CPSF1: variants seen among roughly 807,000 people sequenced by gnomAD.
CPSF1 encodes the protein cleavage and polyadenylation specific factor 1.
Under a neutral mutation model 175.8 loss-of-function variants are expected in CPSF1, and 106 were observed. That is an observed-to-expected ratio of 0.60 (90% confidence interval 0.52 to 0.71). The LOEUF (loss-of-function observed/expected upper bound fraction) is 0.71, where lower values mean the gene tolerates loss of function less well. CPSF1 is among the 30% of genes least tolerant of loss of function. The probability of loss-of-function intolerance (pLI) is 0.00; values close to 1 mark genes in which losing one functional copy is unlikely to be tolerated. For synonymous variants in CPSF1, 1,024 were observed against 858.3 expected (o/e 1.19, Z -3.37); for missense variants, 1,734 against 2,022.9 (o/e 0.86, Z 2.74).
At position 144,408,976 on chromosome 8, in the gene CPSF1, G is replaced by A. The variant is rs1388411333; in HGVS notation, c.144+39C>T. On this transcript the variant is annotated intron_variant, in intron 2 of 37. Transcript: ENST00000616140. ...AACCGGGGGCGGTGAGAGCACCCACGTCGCGGACAGCCGGGAGGGCTCCCA... is the reference window on the plus strand; with the variant it reads ...AACCGGGGGCGGTGAGAGCACCCACATCGCGGACAGCCGGGAGGGCTCCCA... 3 of 1,603,606 alleles carry A rather than the reference G, an allele frequency of 1.9e-6. No homozygotes were observed. The African/African-American group carries it at 4.0e-5, about 21-fold the overall frequency.
At position 144,409,019 on chromosome 8, in the gene CPSF1, G is replaced by GCGT. The variant is rs2116912743; in HGVS notation, c.137_139dup (p.Asp46dup). On this transcript the variant is annotated inframe_insertion, in exon 2 of 38. Transcript: ENST00000616140. ...GGCTCCCAGGGCCCGACCTACCTCG[G>GCGT]CGTCGCGGTTGAGGCGGTACACGTA... 2 of 1,612,952 alleles carry GCGT rather than the reference G, an allele frequency of 1.2e-6. No homozygotes were observed. The highest frequency in any genetic ancestry group is 2.2e-5 in the South Asian group (2 of 91,032).
At chr8:144,404,278 G>T (rs544822319) in intron 2 of CPSF1, among the ~76,000 whole-genome samples, 1 of 152,054 alleles carries the variant, frequency 6.6e-6, no homozygotes. Context: ...AGCCAAGGAC[G>T]CCTGATCCAC....
In CPSF1 at chr8:144,399,054, G is replaced by T; in HGVS notation, c.1468-16C>A. On this transcript the variant is annotated splice_polypyrimidine_tract_variant and intron_variant, in intron 15 of 37. Transcript: ENST00000616140. This position sits in a 1 kb window ranked among gnomAD's most constrained non-coding sequence, Gnocchi z 6.4. Reference sequence around the variant, plus strand: ...TGTTCTGAAACTGCACAGGACTCGGGGGTGAGGACTATGCCCCCCACCCCC... The same window carrying T: ...TGTTCTGAAACTGCACAGGACTCGGTGGTGAGGACTATGCCCCCCACCCCC... The T allele has an allele frequency of 6.4e-7, 1 of 1,569,526 alleles. No individual in the cohort carries two copies. The highest frequency in any genetic ancestry group is 8.6e-7 in the Non-Finnish European group (1 of 1,157,802).
rs2116868261 is a variant in CPSF1 at position 144,399,947 on chromosome 8, T to TG, written c.1031+44dup. ...GGGCCAGGGGACCCTACAGGACTTGTGGGGGGCGGTGTGGGCAGAGTTCAT... is the reference window on the plus strand; with the variant it reads ...GGGCCAGGGGACCCTACAGGACTTGTGGGGGGGCGGTGTGGGCAGAGTTCAT... On this transcript the variant is annotated intron_variant, in intron 10 of 37. Transcript: ENST00000616140. This position sits in a 1 kb window ranked among gnomAD's most constrained non-coding sequence, Gnocchi z 6.4. The TG allele has an allele frequency of 7.5e-5, 90 of 1,197,768 alleles. No homozygotes were observed. The African/African-American group carries it at 2.1e-3, about 28-fold the overall frequency. 74.2% of individuals were successfully genotyped at this position (1,197,768 alleles called of 1,614,324 possible).
chr8:144,396,078 G>A, intron 26 of CPSF1: 1 of 530,446 alleles, frequency 1.9e-6, no homozygotes, highest in East Asian at 3.2e-5. Flanking sequence ...GAAGTGTGGA[G>A]GCCAGGCCCT....
chr8:144,398,419 T>C lies in CPSF1; in HGVS notation c.1777A>G (p.Met593Val), dbSNP rs2116849642. Residue 593 changes from methionine (M) to valine (V), a missense_variant, in exon 19 of 38, where the codon ATG (methionine) becomes GTG (valine). Met to Val is a conservative substitution (Grantham distance 21). Around this residue, in one of 10 missense-constraint regions of CPSF1, gnomAD observed 280 missense variants for 349.2 expected, o/e 0.80. Transcript: ENST00000616140. ...GCGAAGCCACTGGTGTCCAGCTCCA[T>C]GATCTCCTGCCCCGTCTGCAGGATC... ...TMILQTGQEI[M>V]ELDTSGFATQ... 2 of 1,613,846 alleles carry C rather than the reference T, an allele frequency of 1.2e-6. No individual in the cohort carries two copies. Among genetic ancestry groups the C allele is most frequent in the Non-Finnish European group, 8.5e-7 (1 of 1,179,986 alleles).
At position 144,398,548 on chromosome 8, in the gene CPSF1, G is replaced by A. The variant is rs1367456778; in HGVS notation, c.1729C>T (p.Leu577=). Residue 577 remains leucine, a synonymous_variant, in exon 18 of 38, where the codon CTG becomes TTG. Coordinates refer to ENST00000616140, the MANE Select transcript of CPSF1 (RefSeq NM_013291.3). ...ACCATGGTGGAGTCTTCCCGGCTCA[G>A]AATCAGGAATCCGTGTCTGCGGCCG... is the stretch of plus-strand genomic sequence containing the variant. ...DDGRRHGFLI[L]SREDSTMILQ... 5.6e-6 allele frequency: 9 copies of A among 1,613,866 alleles called. No homozygotes were observed. In the Admixed American group the frequency reaches 1.5e-4, roughly 27 times the overall value.
In CPSF1 at chr8:144,399,422, G is replaced by T. The variant is rs2116862458; in HGVS notation, c.1294+30C>A. 1 of 1,612,704 alleles carries T rather than the reference G, an allele frequency of 6.2e-7. No individual in the cohort carries two copies. Among genetic ancestry groups the T allele is most frequent in the East Asian group, 2.2e-5 (1 of 44,882 alleles). The stretch of plus-strand genomic sequence containing the variant: ...GCGCAGCCCTGGGTCACCTGGCCCC[G>T]CTCCTGACCAGCCCTGGACCGGCCC... On this transcript the variant is annotated intron_variant, in intron 13 of 37. Coordinates refer to ENST00000616140, the MANE Select transcript of CPSF1 (RefSeq NM_013291.3). The surrounding 1 kb of genome is among the most constrained non-coding windows in gnomAD (Gnocchi z 6.4).
chr8:144,397,726 C>T lies in CPSF1; in HGVS notation c.2210+17G>A. Reference sequence around the variant, plus strand: ...CAGGGACCCAAGCCCCTACCTGCGCCCCCAGCCCCCACGCACCTAGTCTCT... The same window carrying T: ...CAGGGACCCAAGCCCCTACCTGCGCTCCCAGCCCCCACGCACCTAGTCTCT... On this transcript the variant is annotated intron_variant, in intron 21 of 37. Transcript: ENST00000616140. The T allele has an allele frequency of 1.3e-6, 2 of 1,588,106 alleles. No individual in the cohort carries two copies. The highest frequency in any genetic ancestry group is 1.7e-6 in the Non-Finnish European group (2 of 1,161,326).
intron 2 of CPSF1, among the ~76,000 whole-genome samples, chr8:144,404,529 T>A (rs2116898727): frequency 1.4e-5 from 2 of 140,736 alleles, no homozygotes; most frequent in South Asian, 2.3e-4. Context: ...CCACGCCTAA[T>A]TTTTTTTTTT....
rs2116849991 is a variant in CPSF1, at chr8:144,398,454, C to T, written c.1753-11G>A. ...CCCCGTCTGCAGGATCTGCGGGCGACAGCTGTGAGGGAGGCGCCCCCCGCA... is the reference window on the plus strand; with the variant it reads ...CCCCGTCTGCAGGATCTGCGGGCGATAGCTGTGAGGGAGGCGCCCCCCGCA... On this transcript the variant is annotated splice_polypyrimidine_tract_variant and intron_variant, in intron 18 of 37. Transcript: ENST00000616140. The T allele has an allele frequency of 6.2e-7, 1 of 1,613,660 alleles. No homozygotes were observed. Among genetic ancestry groups the T allele is most frequent in the South Asian group, 1.1e-5 (1 of 91,080 alleles).
Position 144,393,551 on chromosome 8 carries a change from C to T in CPSF1, c.4185G>A (p.Val1395=). 6.2e-7 allele frequency: 1 copy of T among 1,604,260 alleles called. No individual in the cohort carries two copies. Among genetic ancestry groups the T allele is most frequent in the Non-Finnish European group, 8.5e-7 (1 of 1,177,214 alleles). ...GCAGCTCCCCATCCAGCACGTTGCGCACGGCATTCTGGAGGGTGCGGCGGT... is the reference window on the plus strand; with the variant it reads ...GCAGCTCCCCATCCAGCACGTTGCGTACGGCATTCTGGAGGGTGCGGCGGT... ...HVDRRTLQNA[V]RNVLDGELLN... The change falls in exon 37 of 38, where the codon GTG becomes GTA. Residue 1395 remains valine, a synonymous_variant. Transcript: ENST00000616140.
Position 144,400,144 on chromosome 8 carries a change from G to GCCCCC in CPSF1, c.937+21_937+22insGGGGG, listed in dbSNP as rs1194072613. The GCCCCC allele has an allele frequency of 4.3e-4, 460 of 1,070,478 alleles. 20 individuals carry two copies. Among genetic ancestry groups the GCCCCC allele is most frequent in the South Asian group, 2.8e-3 (153 of 54,664 alleles). The allele number at this position is 1,070,478 out of a possible 1,614,324, so 66.3% of individuals were successfully genotyped here. Reference sequence around the variant, plus strand: ...CCCAAGCCGTCCCCGGGCCCCCCCCGCCCCAGCCACCCCACACTCACGAAG... The same window carrying GCCCCC: ...CCCAAGCCGTCCCCGGGCCCCCCCCGCCCCCCCCCAGCCACCCCACACTCACGAAG... On this transcript the variant is annotated intron_variant, in intron 9 of 37. Coordinates refer to ENST00000616140, the MANE Select transcript of CPSF1 (RefSeq NM_013291.3).
In CPSF1 at chr8:144,395,028, G is replaced by A; in HGVS notation, c.3273-5C>T. Reference sequence around the variant, plus strand: ...TCCCACTCCTGCAGCTCGATCCTGTGGGGGCCAGGGGCCTCAGGATGCTGC... The same window carrying A: ...TCCCACTCCTGCAGCTCGATCCTGTAGGGGCCAGGGGCCTCAGGATGCTGC... On this transcript the variant is annotated splice_polypyrimidine_tract_variant and splice_region_variant and intron_variant, in intron 29 of 37. Transcript: ENST00000616140. 1 of 1,606,628 alleles carries A rather than the reference G, an allele frequency of 6.2e-7. No individual in the cohort carries two copies. Among genetic ancestry groups the A allele is most frequent in the Admixed American group, 1.7e-5 (1 of 59,716 alleles).
chr8:144,406,825 G>A (rs1381418803), intron 2 of CPSF1, among the ~76,000 whole-genome samples: 1 of 152,230 alleles, frequency 6.6e-6, no homozygotes, highest in Non-Finnish European at 1.5e-5. Context: ...AATGTCCTCT[G>A]CAGTGAATGC....
intron 33 of CPSF1, 29 bp from the exon 34 acceptor site, chr8:144,394,189 C>G (rs782233610): frequency 6.2e-7 from 1 of 1,612,290 alleles, no homozygotes; most frequent in South Asian, 1.1e-5. Flanking sequence ...GGGTCAGCCC[C>G]GGCCACCCCC....
At chr8:144,405,813 A>C (rs1260705768) in intron 2 of CPSF1, among the ~76,000 whole-genome samples, 3 of 152,110 alleles carry the variant, frequency 2.0e-5, no homozygotes, top group African/African-American at 7.2e-5. Flanking sequence ...CAAGAAGCTC[A>C]ACTACACCAA....
At position 144,393,596 on chromosome 8, in the gene CPSF1, G is replaced by A. The variant is rs1368927267; in HGVS notation, c.4146-6C>T. The stretch of plus-strand genomic sequence containing the variant: ...GGCGGTCCACGTGCAGCATCCTGGG[G>A]CGTACAGGCACAGGTGTCAGGGCAG... On this transcript the variant is annotated splice_region_variant and splice_polypyrimidine_tract_variant and intron_variant, in intron 36 of 37. Coordinates refer to ENST00000616140, the MANE Select transcript of CPSF1 (RefSeq NM_013291.3). 47 of 1,602,176 alleles carry A rather than the reference G, an allele frequency of 2.9e-5. No individual in the cohort carries two copies. The highest frequency in any genetic ancestry group is 3.9e-5 in the Non-Finnish European group (46 of 1,177,454).
At chr8:144,401,734 GGAACGA>G in intron 2 of CPSF1, 61 bp from the exon 3 acceptor site, 2 of 1,534,258 alleles carry the variant, frequency 1.3e-6, no homozygotes, top group South Asian at 2.4e-5. Context: ...CCTCATCCGG[GGAACGA>G]GAAAAGACCA....
Sources: allele counts gnomAD v4.1 joint callset (sites outside exome capture counted in the v4.1 genomes callset), GRCh38; gene constraint gnomAD v4.1.1; regional missense constraint gnomAD v4.1.1; non-coding constraint Gnocchi (gnomAD v3.1); transcripts MANE v1.5; gene names NCBI Gene and HGNC (gene_info 2026-07-23, HGNC 2026-07-21).